The following MACROD2 variants were observed in gnomAD, a reference collection of about 807,000 sequenced individuals.
MACROD2 encodes ADP-ribose glycohydrolase MACROD2.
Under a neutral mutation model 70.4 loss-of-function variants are expected in MACROD2, and 36 were observed. That is an observed-to-expected ratio of 0.51 (90% CI 0.39 to 0.68). The LOEUF is 0.68. Ranked by LOEUF, MACROD2 falls within the 30% of genes least tolerant of loss-of-function variation. The pLI is 0.00. For synonymous variants in MACROD2, 172 were observed against 178.8 expected (o/e 0.96, Z 0.30); for missense variants, 496 against 538.4 (o/e 0.92, Z 0.78).
intron 3 of MACROD2, among the ~76,000 whole-genome samples, chr20:14,143,536 G>T (rs1245490676): frequency 6.6e-6 from 1 of 151,914 alleles, no homozygotes; most frequent in African/African-American, 2.4e-5. Context: ...TGGAATTCCT[G>T]TTTGATGACC....
chr20:14,517,545 G>A (rs1875585967), intron 4 of MACROD2, among the ~76,000 whole-genome samples: 1 of 152,120 alleles, frequency 6.6e-6, no homozygotes, highest in Non-Finnish European at 1.5e-5. Context: ...CAGTGGGTGG[G>A]GGACTAGGGG....
At chr20:15,013,522 G>A (rs781402804) in intron 5 of MACROD2, among the ~76,000 whole-genome samples, 1 of 152,054 alleles carries the variant, frequency 6.6e-6, no homozygotes, top group Non-Finnish European at 1.5e-5. Flanking sequence ...GCTACCGTGC[G>A]CAAGGCCATG....
chr20:14,898,851 C>T (rs2073861703), intron 5 of MACROD2, among the ~76,000 whole-genome samples: 2 of 152,122 alleles, frequency 1.3e-5, no homozygotes, highest in South Asian at 4.1e-4. Context: ...GTGAGGCCCT[C>T]CCTCCCAACA....
At chr20:15,794,260 G>T (rs890207083) in intron 8 of MACROD2, among the ~76,000 whole-genome samples, 11 of 152,034 alleles carry the variant, frequency 7.2e-5, no homozygotes, top group Middle Eastern at 3.2e-3. Flanking sequence ...TCATATTCCT[G>T]TAATCTTCTC....
At chr20:14,390,231 T>G (rs1600190694) in intron 3 of MACROD2, among the ~76,000 whole-genome samples, 1 of 152,146 alleles carries the variant, frequency 6.6e-6, no homozygotes, top group African/African-American at 2.4e-5. Context: ...AAACCATTGC[T>G]CAAAGAAATC....
intron 8 of MACROD2, among the ~76,000 whole-genome samples, chr20:15,736,372 G>A (rs2051020816): frequency 1.3e-5 from 2 of 152,206 alleles, no homozygotes; most frequent in Admixed American, 1.3e-4. Flanking sequence ...TCTTGGAGTT[G>A]AGGTTGCCAG....
intron 5 of MACROD2, among the ~76,000 whole-genome samples, chr20:15,227,358 C>T (rs971315641): frequency 6.6e-6 from 1 of 151,312 alleles, no homozygotes; most frequent in Non-Finnish European, 1.5e-5. Flanking sequence ...CCTTATCCCT[C>T]CCTCCCTTCT....
At chr20:15,287,812 G>T (rs1600200619) in intron 6 of MACROD2, among the ~76,000 whole-genome samples, 1 of 152,168 alleles carries the variant, frequency 6.6e-6, no homozygotes, top group East Asian at 1.9e-4. Flanking sequence ...TATAAAGTTT[G>T]CAAAGATGCT....
intron 3 of MACROD2, among the ~76,000 whole-genome samples, chr20:14,226,942 A>G (rs1479572260): frequency 1.3e-5 from 2 of 152,228 alleles, no homozygotes; most frequent in African/African-American, 4.8e-5. Context: ...CCAGTGCAGG[A>G]TCCACTGGGC....
chr20:15,349,852 CTG>C (rs1362616211), intron 6 of MACROD2, among the ~76,000 whole-genome samples: 1 of 151,730 alleles, frequency 6.6e-6, no homozygotes, highest in Non-Finnish European at 1.5e-5. Context: ...TTCGAAGAAT[CTG>C]TTTTCTTCCC....
At chr20:15,558,430 G>A (rs993408708) in intron 8 of MACROD2, among the ~76,000 whole-genome samples, 2 of 152,104 alleles carry the variant, frequency 1.3e-5, no homozygotes, top group African/African-American at 4.8e-5. Flanking sequence ...TACTTTCAAT[G>A]GCAAAAAACA....
At chr20:15,481,324 A>G (rs985392225) in intron 7 of MACROD2, among the ~76,000 whole-genome samples, 4 of 152,234 alleles carry the variant, frequency 2.6e-5, no homozygotes, top group Admixed American at 6.5e-5. Flanking sequence ...TTCAGTACCC[A>G]TCACTCTGGA....
At chr20:14,066,583 C>T (rs2053760270) in intron 2 of MACROD2, among the ~76,000 whole-genome samples, 1 of 152,082 alleles carries the variant, frequency 6.6e-6, no homozygotes, top group South Asian at 2.1e-4. Flanking sequence ...AACATATGAC[C>T]TATGTGTGTC....
At chr20:14,761,560 A>T (rs1441525844) in intron 5 of MACROD2, among the ~76,000 whole-genome samples, 1 of 152,036 alleles carries the variant, frequency 6.6e-6, no homozygotes, top group Non-Finnish European at 1.5e-5. Context: ...TATTCCCAAG[A>T]TCCTTATTAT....
chr20:14,041,618 T>A (rs1379388510), intron 2 of MACROD2, among the ~76,000 whole-genome samples: 1 of 152,182 alleles, frequency 6.6e-6, no homozygotes, highest in African/African-American at 2.4e-5. Context: ...CTGACAAGAT[T>A]AGATTCCTGA....
intron 6 of MACROD2, among the ~76,000 whole-genome samples, chr20:15,305,507 G>A (rs1233181920): frequency 6.6e-6 from 1 of 152,022 alleles, no homozygotes; most frequent in African/African-American, 2.4e-5. Context: ...TTAGTTCACT[G>A]CCTTCTATCC....
At chr20:15,131,334 T>G (rs912234594) in intron 5 of MACROD2, among the ~76,000 whole-genome samples, 2 of 152,114 alleles carry the variant, frequency 1.3e-5, no homozygotes, top group Non-Finnish European at 2.9e-5. Flanking sequence ...ATTAAGCCAT[T>G]AAGTTTCAAG....
At chr20:15,503,657 A>C (rs754494879) in intron 8 of MACROD2, among the ~76,000 whole-genome samples, 1 of 152,142 alleles carries the variant, frequency 6.6e-6, no homozygotes, top group Non-Finnish European at 1.5e-5. Flanking sequence ...TATCTCTCCC[A>C]TGTCTCTGTT....
intron 15 of MACROD2, among the ~76,000 whole-genome samples, chr20:16,017,733 A>G (rs2066948283): frequency 1.3e-5 from 2 of 152,226 alleles, no homozygotes; most frequent in Admixed American, 1.3e-4. Context: ...ATCAACAGCA[A>G]ATAACTTACC....
Sources: allele counts gnomAD v4.1 joint callset (sites outside exome capture counted in the v4.1 genomes callset), GRCh38; gene constraint gnomAD v4.1.1; transcripts MANE v1.5; gene names NCBI Gene and HGNC (gene_info 2026-07-23, HGNC 2026-07-21).